The following STS variants were observed in gnomAD, a reference collection of about 807,000 sequenced individuals.
STS encodes steryl-sulfatase.
A neutral mutation model predicts 26.8 loss-of-function variants in STS; 7 were observed. The observed-to-expected ratio is 0.26, with a 90% CI of 0.15 to 0.49. The LOEUF is 0.49. Among genes scored for constraint, STS ranks in the 20% least tolerant of loss-of-function variants. STS has a pLI of 0.98. For missense variants in STS, 434 were observed against 465.6 expected, an observed-to-expected ratio of 0.93 and a Z score of 0.63; for synonymous variants, 199 against 189.4, an observed-to-expected ratio of 1.05 and a Z score of -0.42.
chrX:7,343,203 A>T (rs1928371138), intron 10 of STS, among the ~76,000 whole-genome samples: 1 of 112,081 alleles, frequency 8.9e-6, no homozygotes, highest in African/African-American at 3.3e-5. Context: ...AATCTCGCCA[A>T]AACTACCAGT....
chrX:7,296,657 C>CCCCATGAA (rs1397634077), intron 7 of STS, among the ~76,000 whole-genome samples: 1 of 112,175 alleles, frequency 8.9e-6, no homozygotes, highest in African/African-American at 3.2e-5. Context: ...CACTGGTGTG[C>CCCCATGAA]CCCATGAACG....
At chrX:7,204,435 T>C (rs1386889240) in intron 2 of STS, among the ~76,000 whole-genome samples, 1 of 111,245 alleles carries the variant, frequency 9.0e-6, no homozygotes, top group African/African-American at 3.3e-5. Flanking sequence ...TTTTAAAAAA[T>C]ATTAGATGTT....
At chrX:7,158,385 G>C (rs1229813286) in intron 1 of STS, among the ~76,000 whole-genome samples, 1 of 112,021 alleles carries the variant, frequency 8.9e-6, no homozygotes, top group East Asian at 2.8e-4. Context: ...CCAGCAGAGA[G>C]GCGCCACTTG....
At chrX:7,148,118 G>T in intron 1 of STS, 35 bp downstream of exon 1, 2 of 1,124,040 alleles carry the variant, frequency 1.8e-6, no homozygotes, top group African/African-American at 3.8e-5. Flanking sequence ...CGCCATGGTG[G>T]CGCCTTCTGG....
At chrX:7,343,912 C>A (rs1928408353) in intron 10 of STS, among the ~76,000 whole-genome samples, 1 of 112,078 alleles carries the variant, frequency 8.9e-6, no homozygotes, top group Non-Finnish European at 1.9e-5. Context: ...CATATTTGTC[C>A]TGGAAGAGCA....
At chrX:7,184,095 T>G (rs1198397722) in intron 1 of STS, among the ~76,000 whole-genome samples, 1 of 112,141 alleles carries the variant, frequency 8.9e-6, no homozygotes, top group African/African-American at 3.2e-5. Context: ...GTGGCTTGAG[T>G]AACTTTGCAA....
intron 1 of STS, among the ~76,000 whole-genome samples, chrX:7,180,752 A>G (rs1204637052): frequency 8.9e-6 from 1 of 112,565 alleles, no homozygotes; most frequent in Non-Finnish European, 1.9e-5. Flanking sequence ...AGAAGTCGTC[A>G]GCTGAGAGAG....
chrX:7,162,265 A>G lies in STS; in HGVS notation c.-134+14182A>G, dbSNP rs184449345. ...GGACACAGGTAACAGAGGATGTGGC[A>G]ATGATGAAGCAGAAGTCCAGTCTCA... On this transcript the variant is annotated intron_variant, in intron 1 of 10. Transcript: ENST00000674429. Among the ~76,000 whole-genome samples the G allele has an allele frequency of 5.4e-5, 6 of 112,016 alleles. No homozygotes were observed. The East Asian group carries it at 1.7e-3, about 32-fold the overall frequency.
chrX:7,207,826 G>A (rs1238310411), intron 2 of STS, among the ~76,000 whole-genome samples: 4 of 111,827 alleles, frequency 3.6e-5, no homozygotes, highest in East Asian at 5.6e-4. Flanking sequence ...AGAAAGAATC[G>A]GCTATTCGAT....
chrX:7,253,097 G>A, intron 2 of STS, 99 bp from the exon 3 acceptor site: 3 of 1,020,433 alleles, frequency 2.9e-6, no homozygotes, highest in Admixed American at 2.5e-5. Context: ...GTTGCAGTGA[G>A]CTAAGATCCT....
In STS at chrX:7,219,456, A is replaced by AC; in HGVS notation, c.-5+28449dup. 7 of 1,098,606 alleles carry AC rather than the reference A, an allele frequency of 6.4e-6. No homozygotes were observed. The South Asian group carries it at 1.6e-4, about 25-fold the overall frequency. 90.5% of individuals were successfully genotyped at this position (1,098,606 alleles called of 1,213,427 possible). A position where few individuals can be genotyped will look rare whatever the true frequency, so the allele number is the denominator to read the frequency against. On this transcript the variant is annotated intron_variant, in intron 2 of 10. Coordinates refer to ENST00000674429, the MANE Select transcript of STS (RefSeq NM_001320752.2). ...TCCGCCTCACATTATCTGCCCAAGC[A>AC]CAGTGCTGTTGGCCAAGCCTCCAGC...
intron 7 of STS, 119 bp downstream of exon 7, chrX:7,276,206 T>A (rs747730438): frequency 2.0e-6 from 2 of 989,826 alleles, no homozygotes; most frequent in Non-Finnish European, 2.8e-6. Context: ...ATGTATGGGG[T>A]TTTTTGAAAG....
chrX:7,167,953 C>G (rs1472907905), intron 1 of STS, among the ~76,000 whole-genome samples: 1 of 111,027 alleles, frequency 9.0e-6, no homozygotes, highest in Non-Finnish European at 1.9e-5. Context: ...CTCAGCCTCC[C>G]AAAATGCTGG....
At chrX:7,284,037 C>T (rs1376530169) in intron 7 of STS, among the ~76,000 whole-genome samples, 2 of 111,085 alleles carry the variant, frequency 1.8e-5, no homozygotes, top group South Asian at 3.8e-4. Context: ...ATGCCATGCA[C>T]GGCTGTCCTG....
chrX:7,193,782 A>G (rs1372649876), intron 2 of STS, among the ~76,000 whole-genome samples: 1 of 111,896 alleles, frequency 8.9e-6, no homozygotes, highest in East Asian at 2.8e-4. Flanking sequence ...CATACAGAGT[A>G]TTAAACTCTC....
chrX:7,279,825 G>A (rs1285778798), intron 7 of STS, among the ~76,000 whole-genome samples: 5 of 110,769 alleles, frequency 4.5e-5, no homozygotes, highest in African/African-American at 1.3e-4. Flanking sequence ...AATCTTTGGG[G>A]ATATCAGTTT....
At chrX:7,169,323 C>G (rs1393794455) in intron 1 of STS, among the ~76,000 whole-genome samples, 2 of 112,362 alleles carry the variant, frequency 1.8e-5, no homozygotes, top group Non-Finnish European at 3.8e-5. Context: ...TGCCCTTTCT[C>G]TTCTCTCTTC....
chrX:7,219,691 G>A (rs1921463882), intron 2 of STS: 1 of 1,211,816 alleles, frequency 8.3e-7, no homozygotes, highest in Non-Finnish European at 1.1e-6. Context: ...TTTAAGGTAA[G>A]CGTCTATTCC....
chrX:7,282,962 T>C (rs2147115176), intron 7 of STS, among the ~76,000 whole-genome samples: 1 of 111,997 alleles, frequency 8.9e-6, no homozygotes, highest in East Asian at 2.8e-4. Flanking sequence ...TTTATCTCCA[T>C]CTAATCCAGG....
Sources: gnomAD v4.1 joint callset for allele counts (sites outside exome capture counted in the v4.1 genomes callset) on GRCh38, gnomAD v4.1.1 for gene constraint, MANE v1.5 for transcripts, NCBI Gene and HGNC (gene_info 2026-07-23, HGNC 2026-07-21) for gene names.